PRICKLE2: variants seen among roughly 807,000 people sequenced by gnomAD.
The protein encoded by PRICKLE2 is prickle-like protein 2.
In PRICKLE2, 21 loss-of-function variants were observed where a neutral mutation model predicts 81.4. The ratio of observed to expected loss-of-function variants is 0.26; its 90% CI spans 0.18 to 0.37. The LOEUF (loss-of-function observed/expected upper bound fraction) is 0.37. Among genes scored for constraint, PRICKLE2 ranks in the 10% least tolerant of loss-of-function variants. The probability of loss-of-function intolerance (pLI) is 1.00; values close to 1 mark genes in which losing one functional copy is unlikely to be tolerated. For missense variants in PRICKLE2, 940 were observed against 1,109.0 expected, an observed-to-expected ratio of 0.85 and a Z score of 2.16; for synonymous variants, 456 against 421.5, an observed-to-expected ratio of 1.08 and a Z score of -1.00.
chr3:64,227,354 T>C (rs1448741499), upstream of PRICKLE2, among the ~76,000 whole-genome samples: 1 of 152,188 alleles, frequency 6.6e-6, no homozygotes, highest in Non-Finnish European at 1.5e-5. Context: ...GTGGAAGCAG[T>C]GACATTCTAA....
chr3:64,114,314 T>C (rs2076900317), intron 7 of PRICKLE2, among the ~76,000 whole-genome samples: 1 of 152,126 alleles, frequency 6.6e-6, no homozygotes, highest in Non-Finnish European at 1.5e-5. Flanking sequence ...CCAGAGTGCC[T>C]TCTTTCCTCC....
rs762718312 is a variant in PRICKLE2, at chr3:64,147,808, A to C, written c.788-106T>G. 2.5e-5 allele frequency: 30 copies of C among 1,186,486 alleles called. No individual in the cohort carries two copies. Among genetic ancestry groups the C allele is most frequent in the Non-Finnish European group, 3.4e-5 (27 of 801,344 alleles). The allele number at this position is 1,186,486 out of a possible 1,614,324, so 73.5% of individuals were successfully genotyped here. ...TTTGTCTCAGGATTCCAGGTGCGGCAGGATAAACTGTCAATAAATCAACAA... is the reference window on the plus strand; with the variant it reads ...TTTGTCTCAGGATTCCAGGTGCGGCCGGATAAACTGTCAATAAATCAACAA... On this transcript the variant is annotated intron_variant, in intron 6 of 7. Coordinates refer to ENST00000638394, the MANE Select transcript of PRICKLE2 (RefSeq NM_198859.4). This position sits in a 1 kb window ranked among gnomAD's most constrained non-coding sequence, Gnocchi z 5.0.
chr3:64,122,690 G>C (rs536688477), intron 7 of PRICKLE2, among the ~76,000 whole-genome samples: 1 of 152,116 alleles, frequency 6.6e-6, no homozygotes, highest in South Asian at 2.1e-4. Flanking sequence ...CCAAAGCCCC[G>C]GGCCACTGTC....
intron 7 of PRICKLE2, among the ~76,000 whole-genome samples, chr3:64,122,705 G>C (rs1300783964): frequency 6.6e-6 from 1 of 152,156 alleles, no homozygotes; most frequent in Admixed American, 6.5e-5. Flanking sequence ...ACTGTCAGAC[G>C]CAGGCTTTCC....
At chr3:64,170,909 A>C (rs1380581944) in intron 2 of PRICKLE2, among the ~76,000 whole-genome samples, 1 of 151,600 alleles carries the variant, frequency 6.6e-6, no homozygotes, top group Admixed American at 6.6e-5. Flanking sequence ...AAACAAAAAA[A>C]CTCAAAACCC....
chr3:64,164,506 A>G (rs1279746981), intron 2 of PRICKLE2, among the ~76,000 whole-genome samples: 1 of 152,196 alleles, frequency 6.6e-6, no homozygotes, highest in Non-Finnish European at 1.5e-5. Context: ...TCCAGAAACT[A>G]AGTCATAAAT....
chr3:64,144,471 T>C (rs2077411900), intron 7 of PRICKLE2, among the ~76,000 whole-genome samples: 1 of 152,220 alleles, frequency 6.6e-6, no homozygotes, highest in Non-Finnish European at 1.5e-5. Flanking sequence ...GATACATAAA[T>C]ATCCCAGCAC....
At chr3:64,205,306 C>T (rs557283433) in intron 1 of PRICKLE2, among the ~76,000 whole-genome samples, 15 of 152,232 alleles carry the variant, frequency 9.9e-5, no homozygotes, top group African/African-American at 3.4e-4. Context: ...TCATGGCTTC[C>T]GTATCTCAGC....
At chr3:64,248,305 G>T (rs1159605607) in intron 2 of PRICKLE2, among the ~76,000 whole-genome samples, 1 of 152,082 alleles carries the variant, frequency 6.6e-6, no homozygotes, top group Non-Finnish European at 1.5e-5. Context: ...GGGGCAAATG[G>T]CAAATAATTA....
At chr3:64,175,613 AGTCATTTT>A (rs937239165) in intron 2 of PRICKLE2, among the ~76,000 whole-genome samples, 4 of 152,200 alleles carry the variant, frequency 2.6e-5, no homozygotes, top group Non-Finnish European at 5.9e-5. Flanking sequence ...TTTATAGTTT[AGTCATTTT>A]GTTCATTACA....
At chr3:64,255,738 A>G (rs1241144225) in intron 2 of PRICKLE2, among the ~76,000 whole-genome samples, 2 of 152,168 alleles carry the variant, frequency 1.3e-5, no homozygotes, top group East Asian at 3.9e-4. Context: ...GCACACTCAC[A>G]ACTTGAGTAA....
At chr3:64,217,906 T>C (rs535552623) in intron 1 of PRICKLE2, among the ~76,000 whole-genome samples, 1 of 152,320 alleles carries the variant, frequency 6.6e-6, no homozygotes, top group Non-Finnish European at 1.5e-5. Context: ...CAAACTCAGA[T>C]AATGTTCACA....
intron 1 of PRICKLE2, among the ~76,000 whole-genome samples, chr3:64,215,526 T>C (rs1026703412): frequency 6.6e-6 from 1 of 152,250 alleles, no homozygotes; most frequent in Non-Finnish European, 1.5e-5. Context: ...TTTTGACTAA[T>C]ACTTAGTCTG....
At chr3:64,152,236 C>T (rs2077559455) in intron 6 of PRICKLE2, among the ~76,000 whole-genome samples, 1 of 152,174 alleles carries the variant, frequency 6.6e-6, no homozygotes, top group Non-Finnish European at 1.5e-5. Context: ...AAGAAATCGG[C>T]AGCTTCTGAA....
chr3:64,187,391 C>T (rs2078253795), intron 2 of PRICKLE2, among the ~76,000 whole-genome samples: 1 of 152,186 alleles, frequency 6.6e-6, no homozygotes, highest in South Asian at 2.1e-4. Context: ...TCCTGCCCTG[C>T]CCCCTTCTTC....
intron 2 of PRICKLE2, among the ~76,000 whole-genome samples, chr3:64,174,153 G>T (rs1293947628): frequency 6.6e-6 from 1 of 152,086 alleles, no homozygotes; most frequent in Non-Finnish European, 1.5e-5. Flanking sequence ...TCTCCACTTT[G>T]GGAATAGCTA....
intron 2 of PRICKLE2, among the ~76,000 whole-genome samples, chr3:64,231,129 T>C (rs2079095164): frequency 6.6e-6 from 1 of 152,218 alleles, no homozygotes; most frequent in Non-Finnish European, 1.5e-5. Flanking sequence ...TTTTAATTAT[T>C]CTTGATCCCG....
At chr3:64,115,723 G>T (rs967787001) in intron 7 of PRICKLE2, among the ~76,000 whole-genome samples, 1 of 152,170 alleles carries the variant, frequency 6.6e-6, no homozygotes, top group Non-Finnish European at 1.5e-5. Flanking sequence ...CCTTCAAAGA[G>T]ATTTAGACTC....
chr3:64,142,142 T>C (rs1434200393), intron 7 of PRICKLE2, among the ~76,000 whole-genome samples: 2 of 152,076 alleles, frequency 1.3e-5, no homozygotes, highest in African/African-American at 4.8e-5. Context: ...CAATGAGGAA[T>C]GATGAAGCTG....
Sources: allele counts gnomAD v4.1 joint callset (sites outside exome capture counted in the v4.1 genomes callset), GRCh38; gene constraint gnomAD v4.1.1; non-coding constraint Gnocchi (gnomAD v3.1); transcripts MANE v1.5; gene names NCBI Gene and HGNC (gene_info 2026-07-23, HGNC 2026-07-21).